The following TAAR9 variants were observed in gnomAD, a reference collection of about 807,000 sequenced individuals.
TAAR9 encodes the protein trace amine-associated receptor 9.
For synonymous variants in TAAR9, 162 were observed against 152.6 expected, an observed-to-expected ratio of 1.06 and a Z score of -0.45; for missense variants, 453 against 409.4, an observed-to-expected ratio of 1.11 and a Z score of -0.92.
rs748974189 is a variant in TAAR9 at position 132,539,082 on chromosome 6, G to A, written c.793G>A (p.Ala265Thr). ...TGCCAAAACCTTGGGAATTGCTATG[G>A]CAGCATTTCTTGTCTCTTGGCTACC... The change falls in exon 1 of 1, where the codon GCA (alanine) becomes ACA (threonine). Residue 265 changes from alanine (A) to threonine (T), a missense_variant. By Grantham distance (58) the Ala-to-Thr change is moderately conservative. Transcript: ENST00000434551. 1.2e-5 allele frequency: 18 copies of A among 1,537,240 alleles called. No individual in the cohort carries two copies. Among genetic ancestry groups the A allele is most frequent in the Middle Eastern group, 1.7e-4 (1 of 5,722 alleles).
At chr6:132,538,884 G>A (rs758548707) in exon 1 of TAAR9, 1 of 1,610,628 alleles carries the variant, frequency 6.2e-7, no homozygotes, top group South Asian at 1.1e-5. Flanking sequence ...TCAAAACTGG[G>A]TCCTACTTTG....
exon 1 of TAAR9, chr6:132,539,335 A>T: frequency 3.1e-6 from 5 of 1,599,230 alleles, no homozygotes; most frequent in Non-Finnish European, 4.3e-6. Context: ...GAGACAGATT[A>T]AAAACATTAC....
At chr6:132,539,058 G>T (rs911297769) in exon 1 of TAAR9, 1 of 1,531,062 alleles carries the variant, frequency 6.5e-7, no homozygotes, top group African/African-American at 1.4e-5. Flanking sequence ...GAGAAAGGCT[G>T]CCAAAACCTT....
At chr6:132,539,022 T>C in exon 1 of TAAR9, 1 of 1,529,430 alleles carries the variant, frequency 6.5e-7, no homozygotes, top group Non-Finnish European at 8.7e-7. Context: ...CTCAGAGAGT[T>C]ACAAGGAAAG....
chr6:132,539,328 A>T (rs1426219258), exon 1 of TAAR9: 3 of 1,601,554 alleles, frequency 1.9e-6, no homozygotes, highest in Non-Finnish European at 2.6e-6. Flanking sequence ...AGAAGTAGAG[A>T]CAGATTAAAA....
chr6:132,538,871 G>C, exon 1 of TAAR9: 1 of 1,612,800 alleles, frequency 6.2e-7, no homozygotes, highest in Admixed American at 1.7e-5. Flanking sequence ...AGGCTCCACT[G>C]AATCAAAACT....
exon 1 of TAAR9, chr6:132,539,299 C>A: frequency 6.2e-7 from 1 of 1,611,306 alleles, no homozygotes; most frequent in South Asian, 1.1e-5. Flanking sequence ...GATTCGTCAA[C>A]AACTAATTTA....
exon 1 of TAAR9, chr6:132,538,600 A>G (rs1310126420): frequency 6.3e-7 from 1 of 1,587,426 alleles, no homozygotes; most frequent in Admixed American, 1.8e-5. Context: ...GGGGACAGTT[A>G]CTGTAAATTC....
exon 1 of TAAR9, chr6:132,538,799 G>A (rs2114524017): frequency 1.9e-6 from 3 of 1,613,728 alleles, no homozygotes; most frequent in Non-Finnish European, 8.5e-7. Flanking sequence ...TCTTTTACAC[G>A]GGAGCCAACG....
chr6:132,538,494 T>C, exon 1 of TAAR9: 1 of 1,613,158 alleles, frequency 6.2e-7, no homozygotes, highest in Non-Finnish European at 8.5e-7. Flanking sequence ...ACCTACAAAC[T>C]TTCTGATTGC....
exon 1 of TAAR9, chr6:132,538,823 G>A: frequency 6.2e-7 from 1 of 1,613,860 alleles, no homozygotes; most frequent in Non-Finnish European, 8.5e-7. Flanking sequence ...AAGGAATTGA[G>A]GAATTAGTAG....
exon 1 of TAAR9, chr6:132,538,345 A>G: frequency 6.2e-7 from 1 of 1,613,410 alleles, no homozygotes; most frequent in Non-Finnish European, 8.5e-7. Flanking sequence ...AAGAACGTGA[A>G]CGAATCCTGC....
exon 1 of TAAR9, chr6:132,538,849 T>C: frequency 4.3e-6 from 7 of 1,613,698 alleles, no homozygotes; most frequent in Non-Finnish European, 5.9e-6. Context: ...CTAACCTGTG[T>C]AGGAGGCTGC....
At chr6:132,538,560 G>A (rs1042931626) in exon 1 of TAAR9, 19 of 1,598,398 alleles carry the variant, frequency 1.2e-5, no homozygotes, top group Non-Finnish European at 1.5e-5. Flanking sequence ...CTTCAGCACA[G>A]TGAGGTCTGT....
exon 1 of TAAR9, chr6:132,538,426 C>T: frequency 6.2e-7 from 1 of 1,613,688 alleles, no homozygotes; most frequent in Non-Finnish European, 8.5e-7. Context: ...GCTGTGCTGG[C>T]AGCGTTTGGA....
chr6:132,538,654 A>G (rs760530525), exon 1 of TAAR9: 3 of 1,603,028 alleles, frequency 1.9e-6, no homozygotes, highest in Non-Finnish European at 8.5e-7. Flanking sequence ...TCTTTATTTC[A>G]TTTATGCTGT....
chr6:132,538,818 A>C, exon 1 of TAAR9: 1 of 1,613,922 alleles, frequency 6.2e-7, no homozygotes, highest in Non-Finnish European at 8.5e-7. Context: ...CGAAGAAGGA[A>C]TTGAGGAATT....
At chr6:132,538,950 T>C in exon 1 of TAAR9, 1 of 1,553,236 alleles carries the variant, frequency 6.4e-7, no homozygotes, top group East Asian at 2.2e-5. Context: ...CAGTAAGATA[T>C]TTTTGGTGGC....
chr6:132,538,847 T>C, exon 1 of TAAR9: 1 of 1,613,668 alleles, frequency 6.2e-7, no homozygotes, highest in East Asian at 2.2e-5. Context: ...CTCTAACCTG[T>C]GTAGGAGGCT....
Sources: gnomAD v4.1 joint callset for allele counts on GRCh38, gnomAD v4.1.1 for gene constraint, MANE v1.5 for transcripts, NCBI Gene and HGNC (gene_info 2026-07-23, HGNC 2026-07-21) for gene names.